Variants in ABCC1 observed in about 807,000 individuals in gnomAD.
ABCC1 encodes ATP binding cassette subfamily C member 1 (ABCC1 blood group), also known as multidrug resistance-associated protein 1.
Under a neutral mutation model 172.9 loss-of-function variants are expected in ABCC1, and 83 were observed. That is an observed-to-expected ratio of 0.48 (90% CI 0.40 to 0.58). The LOEUF (loss-of-function observed/expected upper bound fraction) is 0.58. Among genes scored for constraint, ABCC1 ranks in the 20% least tolerant of loss-of-function variants. The pLI, the probability that ABCC1 is intolerant of heterozygous loss-of-function variation, is 0.00. For synonymous variants in ABCC1, 937 were observed against 825.2 expected (o/e 1.14, Z -2.32); for missense variants, 1,817 against 2,002.7 (o/e 0.91, Z 1.77).
At chr16:16,109,374 A>T (rs1356070004) in intron 21 of ABCC1, among the ~76,000 whole-genome samples, 2 of 151,946 alleles carry the variant, frequency 1.3e-5, no homozygotes, top group African/African-American at 2.4e-5. Flanking sequence ...ACAGGGTCTT[A>T]CTGTGTTTCC....
intron 26 of ABCC1, 43 bp downstream of exon 26, chr16:16,125,954 G>C (rs1376038163): frequency 2.0e-6 from 3 of 1,482,916 alleles, no homozygotes; most frequent in Non-Finnish European, 2.8e-6. Flanking sequence ...CTTTGGTGTA[G>C]CTTTACCCCA....
At chr16:16,007,243 T>TGTGTGTGA (rs1305978468) in intron 1 of ABCC1, among the ~76,000 whole-genome samples, 4 of 151,204 alleles carry the variant, frequency 2.6e-5, no homozygotes, top group Admixed American at 6.6e-5. Flanking sequence ...TGTGTGTGTG[T>TGTGTGTGA]GAGAGACAGG....
rs1225780303 is a variant in ABCC1, at chr16:16,056,171, A to T, written c.1553A>T (p.Tyr518Phe). Reference sequence around the variant, plus strand: ...AATGGGATCAAAGTGCTAAAGCTTTATGCCTGGGAGCTGGCATTCAAGGAC... The same window carrying T: ...AATGGGATCAAAGTGCTAAAGCTTTTTGCCTGGGAGCTGGCATTCAAGGAC... ...ILNGIKVLKLYAWELAFKDKV... is the reference protein window; with the variant it reads ...ILNGIKVLKLFAWELAFKDKV... Residue 518 changes from tyrosine to phenylalanine, a missense_variant, in exon 12 of 31, where the codon TAT (tyrosine) becomes TTT (phenylalanine). This residue lies in a region of ABCC1 where 1,412 missense variants were observed against 1,600.3 expected (regional missense o/e 0.88). Coordinates refer to ENST00000399410, the MANE Select transcript of ABCC1 (RefSeq NM_004996.4). 2 of 1,614,126 alleles carry T rather than the reference A, an allele frequency of 1.2e-6. No individual in the cohort carries two copies. The highest frequency in any genetic ancestry group is 1.7e-6 in the Non-Finnish European group (2 of 1,180,022).
chr16:16,058,170 A>C (rs1041562049), intron 12 of ABCC1, among the ~76,000 whole-genome samples: 1 of 152,166 alleles, frequency 6.6e-6, no homozygotes, highest in Non-Finnish European at 1.5e-5. Context: ...TACAATTTGC[A>C]AAGTTGGCCG....
chr16:15,973,760 G>C (rs1055609340), intron 1 of ABCC1, among the ~76,000 whole-genome samples: 2 of 151,526 alleles, frequency 1.3e-5, no homozygotes, highest in Non-Finnish European at 3.0e-5. Context: ...AGAATGGCTT[G>C]AGCCCAGGAG....
At chr16:16,121,928 G>A (rs1299036733) in intron 23 of ABCC1, 47 bp from the exon 24 acceptor site, 5 of 1,597,814 alleles carry the variant, frequency 3.1e-6, no homozygotes, top group Admixed American at 3.3e-5. Flanking sequence ...TGGGAGGATG[G>A]CAGGAGGGAA....
intron 19 of ABCC1, among the ~76,000 whole-genome samples, chr16:16,091,579 C>T (rs2051259004): frequency 6.6e-6 from 1 of 152,074 alleles, no homozygotes. Context: ...GGGAGAAGAT[C>T]TGGGAAGTGT....
chr16:16,076,424 G>T, intron 15 of ABCC1, 23 bp downstream of exon 15: 2 of 1,590,224 alleles, frequency 1.3e-6, no homozygotes, highest in South Asian at 1.1e-5. Flanking sequence ...GTGGACACAC[G>T]TGATGGTGTG....
intron 1 of ABCC1, among the ~76,000 whole-genome samples, chr16:15,961,374 T>C (rs1324588968): frequency 6.6e-6 from 1 of 152,212 alleles, no homozygotes; most frequent in East Asian, 1.9e-4. Flanking sequence ...AACAAGATGT[T>C]GTTGAATTGA....
intron 30 of ABCC1, 32 bp from the exon 31 acceptor site, chr16:16,141,141 T>C: frequency 1.2e-6 from 2 of 1,600,116 alleles, no homozygotes; most frequent in Middle Eastern, 1.7e-4. Context: ...ACCCCTCCCC[T>C]TCCCCTCATG....
chr16:16,045,735 T>G, intron 8 of ABCC1, 101 bp from the exon 9 acceptor site: 2 of 1,151,070 alleles, frequency 1.7e-6, no homozygotes, highest in African/African-American at 1.5e-5. Context: ...AGTGTCTAGC[T>G]CATCTGGCTC....
At chr16:16,083,679 G>C in intron 17 of ABCC1, 137 bp downstream of exon 17, 2 of 1,113,694 alleles carry the variant, frequency 1.8e-6, no homozygotes, top group South Asian at 3.1e-5. Flanking sequence ...TCTGCTGCAC[G>C]CTGCAGGCCA....
chr16:15,949,776 G>A lies in ABCC1; in HGVS notation c.25G>A (p.Ala9Thr). MALRGFCS[A>T]DGSDPLWDWN... ...CATGGCGCTCCGGGGCTTCTGCAGCGCCGATGGCTCCGACCCGCTCTGGGT... is the reference window on the plus strand; with the variant it reads ...CATGGCGCTCCGGGGCTTCTGCAGCACCGATGGCTCCGACCCGCTCTGGGT... Residue 9 changes from alanine to threonine, a missense_variant, in exon 1 of 31, where the codon GCC (alanine) becomes ACC (threonine). This residue lies in a region of ABCC1 where 398 missense variants were observed against 384.2 expected (regional missense o/e 1.04). Transcript: ENST00000399410. The A allele has an allele frequency of 8.4e-7, 1 of 1,195,574 alleles. No homozygotes were observed. Among genetic ancestry groups the A allele is most frequent in the Non-Finnish European group, 1.0e-6 (1 of 964,588 alleles). The allele number at this position is 1,195,574 out of a possible 1,614,324, so 74.1% of individuals were successfully genotyped here. A position where few individuals can be genotyped will look rare whatever the true frequency, so the allele number is the denominator to read the frequency against.
intron 19 of ABCC1, among the ~76,000 whole-genome samples, chr16:16,091,404 C>A (rs933723340): frequency 9.1e-3 from 984 of 108,160 alleles, no homozygotes; most frequent in African/African-American, 1.0e-2. Context: ...CCCAACTCTA[C>A]AAAAAAAAAA....
In ABCC1 at chr16:16,052,774, G is replaced by A. The variant is rs1435381298; in HGVS notation, c.1431G>A (p.Val477=). The change falls in exon 11 of 31, where the codon GTG becomes GTA. Residue 477 remains valine, a synonymous_variant. Coordinates refer to ENST00000399410, the MANE Select transcript of ABCC1 (RefSeq NM_004996.4). ...GAGTGGCGGTGATGGTCCTCATGGT[G>A]CCCGTCAATGCTGTGATGGCGATGA... is the stretch of plus-strand genomic sequence containing the variant. ...LAGVAVMVLM[V]PVNAVMAMKT... 2.5e-6 allele frequency: 4 copies of A among 1,613,996 alleles called. No homozygotes were observed. In the Admixed American group the frequency reaches 5.0e-5, roughly 20 times the overall value.
chr16:16,031,784 T>G lies in ABCC1; in HGVS notation c.616-1325T>G, dbSNP rs141054869. Among the ~76,000 whole-genome samples, 9 of 152,228 alleles carry G rather than the reference T, an allele frequency of 5.9e-5. No individual in the cohort carries two copies. In the East Asian group the frequency reaches 1.7e-3, roughly 29 times the overall value. On this transcript the variant is annotated intron_variant, in intron 5 of 30. Transcript: ENST00000399410. Reference sequence around the variant, plus strand: ...CCAGATCAGCCCCCATGCACTTACTTTGTCTCATTGGTAATATTTCTCTCC... The same window carrying G: ...CCAGATCAGCCCCCATGCACTTACTGTGTCTCATTGGTAATATTTCTCTCC...
At chr16:16,030,574 T>C (rs1429308012) in intron 5 of ABCC1, among the ~76,000 whole-genome samples, 1 of 152,058 alleles carries the variant, frequency 6.6e-6, no homozygotes, top group Admixed American at 6.6e-5. Flanking sequence ...CAGCCTGTTG[T>C]ACTTATTCTC....
At position 15,949,674 on chromosome 16, in the gene ABCC1, GGTGC is replaced by G. The variant is rs1378866253; in HGVS notation, c.-77_-74del. On this transcript the variant is annotated 5_prime_UTR_variant, in exon 1 of 31. Coordinates refer to ENST00000399410, the MANE Select transcript of ABCC1 (RefSeq NM_004996.4). ...AGCCGGGCCCGATCACCCGCCGCCC[GGTGC>G]CCGCCGCCGCCCGCGCCAGCAACCG... 3 of 914,456 alleles carry G rather than the reference GGTGC, an allele frequency of 3.3e-6. No individual in the cohort carries two copies. The highest frequency in any genetic ancestry group is 1.3e-4 in the Admixed American group (2 of 15,792). 56.6% of individuals were successfully genotyped at this position (914,456 alleles called of 1,614,324 possible). A position where few individuals can be genotyped will look rare whatever the true frequency, so the allele number is the denominator to read the frequency against.
intron 13 of ABCC1, among the ~76,000 whole-genome samples, chr16:16,070,852 C>T (rs1466466882): frequency 2.6e-5 from 4 of 152,126 alleles, no homozygotes; most frequent in Non-Finnish European, 5.9e-5. Flanking sequence ...ACATTCTACC[C>T]ACAAATATTT....
Sources: allele counts gnomAD v4.1 joint callset (sites outside exome capture counted in the v4.1 genomes callset), GRCh38; gene constraint gnomAD v4.1.1; regional missense constraint gnomAD v4.1.1; transcripts MANE v1.5; gene names NCBI Gene and HGNC (gene_info 2026-07-23, HGNC 2026-07-21).